SLC49A4: variants seen among roughly 807,000 people sequenced by gnomAD.
SLC49A4 encodes solute carrier family 49 member 4, also known as disrupted in renal cancer protein 2.
Under a neutral mutation model 50.6 loss-of-function variants are expected in SLC49A4, and 36 were observed. The ratio of observed to expected loss-of-function variants is 0.71; its 90% confidence interval spans 0.55 to 0.94. The LOEUF is 0.94. Among genes scored for constraint, SLC49A4 ranks in the 40% least tolerant of loss-of-function variants. The pLI, the probability that SLC49A4 is intolerant of heterozygous loss-of-function variation, is 0.00. For synonymous variants in SLC49A4, 248 were observed against 241.2 expected, an observed-to-expected ratio of 1.03 and a Z score of -0.26; for missense variants, 503 against 605.7, an observed-to-expected ratio of 0.83 and a Z score of 1.78.
At position 122,827,015 on chromosome 3, in the gene SLC49A4, A is replaced by G. The variant is rs1311255313; in HGVS notation, c.653A>G (p.Glu218Gly). ...GGGACATCACCTCTTCTTGCTGCAG[A>G]GAGCAGCAGGGCGCATATTAAAGAT... Reference protein sequence around the residue: ...PNGTSPLLAAESSRAHIKDRI... With the variant: ...PNGTSPLLAAGSSRAHIKDRI... Residue 218 changes from glutamate to glycine, a missense_variant, in exon 3 of 9, where the codon GAG (glutamate) becomes GGG (glycine). Coordinates refer to ENST00000261038, the MANE Select transcript of SLC49A4 (RefSeq NM_032839.3). The G allele has an allele frequency of 6.2e-7, 1 of 1,614,032 alleles. No individual in the cohort carries two copies. The highest frequency in any genetic ancestry group is 1.7e-5 in the Admixed American group (1 of 60,006).
chr3:122,801,223 T>C (rs1333882887), intron 1 of SLC49A4, among the ~76,000 whole-genome samples: 5 of 152,216 alleles, frequency 3.3e-5, no homozygotes, highest in Non-Finnish European at 7.4e-5. Context: ...CAAATTGTCA[T>C]TCCGTATTTA....
At chr3:122,854,751 A>G (rs1197564414) in intron 5 of SLC49A4, among the ~76,000 whole-genome samples, 1 of 152,208 alleles carries the variant, frequency 6.6e-6, no homozygotes, top group Admixed American at 6.5e-5. Context: ...AGAAGAAGAA[A>G]TCGTTTGGTG....
At chr3:122,828,090 A>G (rs912330688) in intron 3 of SLC49A4, among the ~76,000 whole-genome samples, 2 of 152,192 alleles carry the variant, frequency 1.3e-5, no homozygotes, top group Non-Finnish European at 2.9e-5. Context: ...CTGGAATGAT[A>G]AGGGACCCAA....
At chr3:122,839,763 A>G (rs1382710898) in intron 4 of SLC49A4, among the ~76,000 whole-genome samples, 1 of 152,216 alleles carries the variant, frequency 6.6e-6, no homozygotes, top group African/African-American at 2.4e-5. Flanking sequence ...GATGTGGTGA[A>G]AAGGGAATGC....
At chr3:122,877,863 T>C (rs1937285023) in intron 8 of SLC49A4, among the ~76,000 whole-genome samples, 3 of 152,210 alleles carry the variant, frequency 2.0e-5, no homozygotes, top group Admixed American at 2.0e-4. Flanking sequence ...TCACATCTTC[T>C]CTGAGTATTT....
At chr3:122,841,398 A>G (rs1447516126) in intron 4 of SLC49A4, among the ~76,000 whole-genome samples, 1 of 152,188 alleles carries the variant, frequency 6.6e-6, no homozygotes, top group East Asian at 1.9e-4. Flanking sequence ...AGTGTGTAGA[A>G]AAAAATAATT....
At chr3:122,840,445 A>G (rs748181625) in intron 4 of SLC49A4, among the ~76,000 whole-genome samples, 2 of 152,210 alleles carry the variant, frequency 1.3e-5, no homozygotes, top group African/African-American at 2.4e-5. Flanking sequence ...AAAATTTTTA[A>G]TAATCTTATT....
intron 1 of SLC49A4, among the ~76,000 whole-genome samples, chr3:122,805,367 A>G (rs1477977654): frequency 1.3e-5 from 2 of 152,202 alleles, no homozygotes; most frequent in African/African-American, 2.4e-5. Context: ...TTAATGTAGC[A>G]TGTCTGGATC....
chr3:122,833,594 A>T (rs920721808), intron 4 of SLC49A4, 148 bp downstream of exon 4: 4 of 746,422 alleles, frequency 5.4e-6, no homozygotes, highest in Non-Finnish European at 5.7e-6. Context: ...AATATTTTAG[A>T]TTTCCTACCA....
intron 2 of SLC49A4, among the ~76,000 whole-genome samples, chr3:122,808,422 C>A (rs1936253544): frequency 6.6e-6 from 1 of 152,032 alleles, no homozygotes; most frequent in Non-Finnish European, 1.5e-5. Flanking sequence ...AAAAACCTGA[C>A]AGAAGTAATG....
intron 5 of SLC49A4, among the ~76,000 whole-genome samples, chr3:122,853,271 C>T (rs1197187189): frequency 6.6e-6 from 1 of 152,156 alleles, no homozygotes. Flanking sequence ...TAAAGGCCCC[C>T]ACCTCTTAAT....
rs922344758 is a variant in SLC49A4 at position 122,842,408 on chromosome 3, C to T, written c.834-3355C>T. Among the ~76,000 whole-genome samples the T allele has an allele frequency of 3.4e-5, 5 of 145,124 alleles. No homozygotes were observed. The East Asian group carries it at 6.2e-4, about 18-fold the overall frequency. On this transcript the variant is annotated intron_variant, in intron 4 of 8. Transcript: ENST00000261038. The stretch of plus-strand genomic sequence containing the variant: ...GGCTGAGGCAGGAGAATGGCGTGAA[C>T]CCGGGAGGCGGAGCTTGCAGTGAGC...
At chr3:122,851,012 C>T (rs1576306221) in intron 5 of SLC49A4, among the ~76,000 whole-genome samples, 1 of 152,108 alleles carries the variant, frequency 6.6e-6, no homozygotes, top group African/African-American at 2.4e-5. Flanking sequence ...TTAATGATTA[C>T]CCTAAAAAGT....
chr3:122,879,154 C>A, intron 8 of SLC49A4, 109 bp from the exon 9 acceptor site: 1 of 768,630 alleles, frequency 1.3e-6, no homozygotes, highest in Non-Finnish European at 2.2e-6. Flanking sequence ...TTCCAGGGTA[C>A]ATTTATTATA....
At chr3:122,818,589 A>G (rs1936408753) in intron 2 of SLC49A4, among the ~76,000 whole-genome samples, 1 of 152,204 alleles carries the variant, frequency 6.6e-6, no homozygotes, top group African/African-American at 2.4e-5. Flanking sequence ...TCAGACCAGG[A>G]CTAAGGCCAT....
In SLC49A4 at chr3:122,880,123, ATG is replaced by A. The variant is rs1257558664; in HGVS notation, c.*747_*748del. 6.6e-6 allele frequency: 1 copy of A among 152,220 alleles called. No homozygotes were observed. The highest frequency in any genetic ancestry group is 6.5e-5 in the Admixed American group (1 of 15,276). The allele number at this position is 152,220 out of a possible 1,614,324, so 9.4% of individuals were successfully genotyped here. A position where few individuals can be genotyped will look rare whatever the true frequency, so the allele number is the denominator to read the frequency against. On this transcript the variant is annotated 3_prime_UTR_variant, in exon 9 of 9. Transcript: ENST00000261038. ...ATTACATTAAATATTGTATGAAAAA[ATG>A]TAATTCCATTAGGATCTAGCACTTT...
At chr3:122,833,035 G>A (rs1373602330) in intron 3 of SLC49A4, among the ~76,000 whole-genome samples, 3 of 151,962 alleles carry the variant, frequency 2.0e-5, no homozygotes, top group South Asian at 2.1e-4. Context: ...TCAGGAGTTC[G>A]AGACCAGCCT....
At chr3:122,849,312 T>C (rs1936894864) in intron 5 of SLC49A4, among the ~76,000 whole-genome samples, 2 of 152,202 alleles carry the variant, frequency 1.3e-5, no homozygotes, top group African/African-American at 4.8e-5. Flanking sequence ...GATTTTTATA[T>C]ACTGATTTCC....
At chr3:122,859,185 A>G (rs1937027073) in intron 6 of SLC49A4, among the ~76,000 whole-genome samples, 1 of 152,168 alleles carries the variant, frequency 6.6e-6, no homozygotes, top group South Asian at 2.1e-4. Context: ...GAATGACCTG[A>G]GGGGTAAACA....
Sources: allele counts gnomAD v4.1 joint callset (sites outside exome capture counted in the v4.1 genomes callset), GRCh38; gene constraint gnomAD v4.1.1; transcripts MANE v1.5; gene names NCBI Gene and HGNC (gene_info 2026-07-23, HGNC 2026-07-21).